TPRG1: variants seen among roughly 807,000 people sequenced by gnomAD.
TPRG1 encodes tumor protein p63-regulated gene 1 protein.
A neutral mutation model predicts 29.3 loss-of-function variants in TPRG1; 29 were observed. The observed-to-expected ratio is 0.99, with a 90% confidence interval of 0.74 to 1.35. The LOEUF (loss-of-function observed/expected upper bound fraction) is 1.35, where lower values mean the gene tolerates loss of function less well. Among genes scored for constraint, TPRG1 ranks in the 40% most tolerant of loss-of-function variants. TPRG1 has a pLI of 0.00. For synonymous variants in TPRG1, 130 were observed against 116.8 expected (o/e 1.11, Z -0.73); for missense variants, 327 against 335.0 (o/e 0.98, Z 0.19).
At chr3:189,127,381 T>G (rs1722606437) in intron 2 of TPRG1, among the ~76,000 whole-genome samples, 1 of 152,208 alleles carries the variant, frequency 6.6e-6, no homozygotes, top group Non-Finnish European at 1.5e-5. Flanking sequence ...AGAAGGATTT[T>G]AGAGATCATA....
In TPRG1 at chr3:189,266,308, A is replaced by T. The variant is rs561699155; in HGVS notation, c.479+27399A>T. ...TTATTAGGAAGATGTCAGTTCCTCTATGTGTATTATTTAAGGTGTTACAAA... is the reference window on the plus strand; with the variant it reads ...TTATTAGGAAGATGTCAGTTCCTCTTTGTGTATTATTTAAGGTGTTACAAA... On this transcript the variant is annotated intron_variant, in intron 4 of 5. Coordinates refer to ENST00000345063, the MANE Select transcript of TPRG1 (RefSeq NM_198485.4). Among the ~76,000 whole-genome samples the T allele has an allele frequency of 3.9e-5, 6 of 152,254 alleles. No homozygotes were observed. The South Asian group carries it at 1.2e-3, about 32-fold the overall frequency.
At chr3:189,115,310 T>C (rs1421934550) in intron 1 of TPRG1, among the ~76,000 whole-genome samples, 1 of 152,214 alleles carries the variant, frequency 6.6e-6, no homozygotes, top group Non-Finnish European at 1.5e-5. Context: ...TATTGGCGCA[T>C]GGACTGGGAA....
chr3:189,197,765 T>G (rs1732782547), intron 1 of TPRG1, among the ~76,000 whole-genome samples: 2 of 152,192 alleles, frequency 1.3e-5, no homozygotes, highest in Non-Finnish European at 2.9e-5. Context: ...AGTGGATATG[T>G]TTCTAACCAA....
intron 5 of TPRG1, among the ~76,000 whole-genome samples, chr3:189,165,369 G>A (rs913938128): frequency 7.3e-6 from 1 of 136,648 alleles, no homozygotes; most frequent in African/African-American, 2.6e-5. Flanking sequence ...AGTCTATTCT[G>A]GGTTGGAGTT....
chr3:189,217,755 C>T (rs1736290218), intron 3 of TPRG1: 1 of 894,472 alleles, frequency 1.1e-6, no homozygotes, highest in Non-Finnish European at 1.3e-6. Flanking sequence ...CCTAGTCTAG[C>T]CACTGTTACT....
intron 5 of TPRG1, among the ~76,000 whole-genome samples, chr3:189,153,988 G>A (rs910515050): frequency 6.6e-6 from 1 of 152,230 alleles, no homozygotes; most frequent in Non-Finnish European, 1.5e-5. Flanking sequence ...GCCATTCTAA[G>A]TGAGTTCCCA....
intron 3 of TPRG1, among the ~76,000 whole-genome samples, chr3:189,221,452 G>A (rs1271357981): frequency 2.0e-5 from 3 of 152,142 alleles, no homozygotes; most frequent in Non-Finnish European, 4.4e-5. Flanking sequence ...ATGGCCAAGG[G>A]TTGCCTCTTT....
At chr3:189,039,249 G>A (rs143972951) in intron 4 of TPRG1, among the ~76,000 whole-genome samples, 105 of 152,316 alleles carry the variant, frequency 6.9e-4, no homozygotes, top group South Asian at 5.6e-3. Flanking sequence ...GCTCTCTGTA[G>A]GCTTATATTC....
At chr3:189,038,589 A>C (rs544871958) in intron 4 of TPRG1, among the ~76,000 whole-genome samples, 1 of 152,226 alleles carries the variant, frequency 6.6e-6, no homozygotes, top group South Asian at 2.1e-4. Flanking sequence ...ATACTCCCAA[A>C]ATTAAAAGTA....
chr3:189,217,850 T>TTTTG (rs141871926), intron 3 of TPRG1: 4 of 985,278 alleles, frequency 4.1e-6, no homozygotes, highest in East Asian at 1.1e-4. Context: ...ATTTAAGCCT[T>TTTTG]TTTGTTTGTT....
intron 4 of TPRG1, among the ~76,000 whole-genome samples, chr3:189,050,128 A>C (rs377577681): frequency 2.0e-5 from 3 of 152,310 alleles, no homozygotes; most frequent in East Asian, 1.9e-4. Flanking sequence ...AAAAACACAA[A>C]AGATAAATGA....
intron 4 of TPRG1, among the ~76,000 whole-genome samples, chr3:189,056,267 T>TCATGCCCA (rs1715691313): frequency 6.6e-6 from 1 of 152,100 alleles, no homozygotes; most frequent in Admixed American, 6.6e-5. Flanking sequence ...AGCTAATTTT[T>TCATGCCCA]GTATTTTCAG....
intron 4 of TPRG1, among the ~76,000 whole-genome samples, chr3:189,301,607 C>T (rs1720855368): frequency 6.6e-6 from 1 of 152,120 alleles, no homozygotes; most frequent in South Asian, 2.1e-4. Context: ...CCATTACCAC[C>T]CAATCTTTGA....
chr3:189,066,703 C>A (rs1008285134), intron 4 of TPRG1, among the ~76,000 whole-genome samples: 2 of 150,992 alleles, frequency 1.3e-5, no homozygotes, highest in African/African-American at 4.9e-5. Context: ...AACAGATCCA[C>A]AGCTAGTATT....
At chr3:189,305,186 G>A (rs1377262740) in intron 4 of TPRG1, among the ~76,000 whole-genome samples, 1 of 152,176 alleles carries the variant, frequency 6.6e-6, no homozygotes, top group East Asian at 1.9e-4. Context: ...TAGAAGGAGA[G>A]TGAGAAGTCC....
intron 3 of TPRG1, among the ~76,000 whole-genome samples, chr3:189,230,671 G>T (rs1004007722): frequency 6.6e-6 from 1 of 152,034 alleles, no homozygotes; most frequent in African/African-American, 2.4e-5. Context: ...GTCTCCTTTT[G>T]TCTGTGTCCC....
intron 4 of TPRG1, among the ~76,000 whole-genome samples, chr3:189,079,046 C>T (rs115229012): frequency 1.6e-3 from 238 of 152,226 alleles, no homozygotes; most frequent in African/African-American, 5.1e-3. Flanking sequence ...GTGCTCACAT[C>T]GCATCTGCTT....
At position 189,199,622 on chromosome 3, in the gene TPRG1, T is replaced by C. The variant is rs189792169; in HGVS notation, c.-9-7754T>C. Among the ~76,000 whole-genome samples, 938 of 152,260 alleles carry C rather than the reference T, an allele frequency of 6.2e-3. 12 individuals carry two copies. Among genetic ancestry groups the C allele is most frequent in the African/African-American group, 0.022 (907 of 41,538 alleles). On this transcript the variant is annotated intron_variant, in intron 1 of 5. Transcript: ENST00000345063. ...TTGGGAAGCCGAGGCAGGCGAATCA[T>C]GAGGTCAGGAGTTCGAGACCAGTCT...
At chr3:189,048,599 T>C (rs1042448924) in intron 4 of TPRG1, among the ~76,000 whole-genome samples, 7 of 152,312 alleles carry the variant, frequency 4.6e-5, no homozygotes, top group Non-Finnish European at 1.0e-4. Flanking sequence ...CTGTTTTTTT[T>C]CTACCTTGGA....
Sources: gnomAD v4.1 joint callset for allele counts (sites outside exome capture counted in the v4.1 genomes callset) on GRCh38, gnomAD v4.1.1 for gene constraint, MANE v1.5 for transcripts, NCBI Gene and HGNC (gene_info 2026-07-23, HGNC 2026-07-21) for gene names.